Variants in ANAPC1 observed in about 807,000 individuals in gnomAD.
The protein encoded by ANAPC1 is anaphase promoting complex subunit 1, also known as anaphase-promoting complex subunit 1.
Under a neutral mutation model 208.0 loss-of-function variants are expected in ANAPC1, and 36 were observed. The observed-to-expected ratio is 0.17, with a 90% CI of 0.13 to 0.23. The LOEUF (loss-of-function observed/expected upper bound fraction) is 0.23. ANAPC1 is among the 10% of genes least tolerant of loss of function. ANAPC1 has a pLI of 1.00. For missense variants in ANAPC1, 942 were observed against 2,011.6 expected (o/e 0.47, Z 10.17); for synonymous variants, 378 against 695.2 (o/e 0.54, Z 7.18).
chr2:111,854,496 TTCTCC>T (rs1273836137), intron 13 of ANAPC1, among the ~76,000 whole-genome samples: 29 of 152,284 alleles, frequency 1.9e-4, no homozygotes, highest in African/African-American at 6.5e-4. Flanking sequence ...AGGCACTGAC[TTCTCC>T]TCTCAGGTTA....
In ANAPC1 at chr2:111,841,770, AAG is replaced by A. The variant is rs377762685; in HGVS notation, c.2040+1640_2040+1641del. ...GGATTACTGTGGCCACTGGACTGAG[AAG>A]AGACTGGAACATAGACAAAGGACAT... On this transcript the variant is annotated intron_variant, in intron 17 of 47. Coordinates refer to ENST00000341068, the MANE Select transcript of ANAPC1 (RefSeq NM_022662.4). 5.2e-3 allele frequency among the ~76,000 whole-genome samples: 788 copies of A among 152,330 alleles called. 14 individuals are homozygous for A. The highest frequency in any genetic ancestry group is 0.018 in the African/African-American group (745 of 41,564).
chr2:111,846,534 CATATAT>C (rs1158119946), intron 16 of ANAPC1, among the ~76,000 whole-genome samples: 2,717 of 68,286 alleles, frequency 0.04, 110 homozygotes, highest in African/African-American at 0.064. Context: ...TATACATATA[CATATAT>C]ATATATATAT....
chr2:111,813,944 C>G (rs578215125), intron 28 of ANAPC1, among the ~76,000 whole-genome samples: 2 of 152,158 alleles, frequency 1.3e-5, no homozygotes, highest in African/African-American at 4.8e-5. Flanking sequence ...GATTCCAAGA[C>G]AGCCTCCACC....
intron 6 of ANAPC1, among the ~76,000 whole-genome samples, chr2:111,871,548 C>T (rs1682746068): frequency 1.3e-5 from 2 of 152,046 alleles, no homozygotes; most frequent in African/African-American, 2.4e-5. Context: ...GTCGGGAGTT[C>T]GAGACCAGCA....
chr2:111,853,464 A>G (rs1177207681), intron 13 of ANAPC1, among the ~76,000 whole-genome samples: 1 of 151,828 alleles, frequency 6.6e-6, no homozygotes, highest in Non-Finnish European at 1.5e-5. Flanking sequence ...CAAGTTTGGC[A>G]ATTCTGTTCA....
intron 47 of ANAPC1, 82 bp from the exon 48 acceptor site, chr2:111,769,488 C>A (rs1676600983): frequency 4.9e-6 from 3 of 618,398 alleles, no homozygotes; most frequent in Non-Finnish European, 8.9e-6. Context: ...TTCAGAAACA[C>A]AATCATGTTT....
intron 21 of ANAPC1, among the ~76,000 whole-genome samples, chr2:111,829,330 C>A (rs1273623337): frequency 2.0e-5 from 3 of 151,852 alleles, no homozygotes; most frequent in Non-Finnish European, 4.4e-5. Flanking sequence ...TGTTTTGGAG[C>A]CATGGGGGGG....
intron 3 of ANAPC1, among the ~76,000 whole-genome samples, chr2:111,874,660 C>T (rs1053140702): frequency 2.0e-5 from 3 of 152,194 alleles, no homozygotes; most frequent in Non-Finnish European, 4.4e-5. Context: ...ATTTGTTTAT[C>T]CATTCATCTG....
chr2:111,771,955 AT>A (rs1395810238), intron 47 of ANAPC1, among the ~76,000 whole-genome samples: 2 of 150,398 alleles, frequency 1.3e-5, no homozygotes, highest in African/African-American at 4.9e-5. Context: ...AAAATTAGGT[AT>A]TTATTAGTTG....
At chr2:111,873,897 T>C (rs1256156771) in intron 3 of ANAPC1, among the ~76,000 whole-genome samples, 1 of 151,852 alleles carries the variant, frequency 6.6e-6, no homozygotes, top group African/African-American at 2.4e-5. Flanking sequence ...AAAAGATCCA[T>C]AGGAATTAAA....
intron 38 of ANAPC1, among the ~76,000 whole-genome samples, chr2:111,789,215 C>G (rs1043741348): frequency 6.6e-6 from 1 of 151,468 alleles, no homozygotes; most frequent in African/African-American, 2.4e-5. Context: ...CAATATGATA[C>G]ACTTTTAAGA....
chr2:111,808,317 T>C (rs1403771220), intron 29 of ANAPC1, among the ~76,000 whole-genome samples: 1 of 152,180 alleles, frequency 6.6e-6, no homozygotes, highest in East Asian at 1.9e-4. Flanking sequence ...GTAACTAAAT[T>C]GTTGAGCATA....
intron 6 of ANAPC1, among the ~76,000 whole-genome samples, chr2:111,871,748 G>A (rs141380018): frequency 1.5e-3 from 226 of 151,988 alleles, no homozygotes; most frequent in Non-Finnish European, 2.1e-3. Flanking sequence ...GCAAAACCCC[G>A]TCTCAAAAAA....
At chr2:111,870,675 T>C (rs183774148) in intron 6 of ANAPC1, among the ~76,000 whole-genome samples, 1 of 152,248 alleles carries the variant, frequency 6.6e-6, no homozygotes, top group African/African-American at 2.4e-5. Context: ...ACATTTCTTT[T>C]GCTGTGCAGA....
intron 17 of ANAPC1, among the ~76,000 whole-genome samples, chr2:111,839,279 C>T (rs1439331189): frequency 6.6e-6 from 1 of 152,228 alleles, no homozygotes; most frequent in Non-Finnish European, 1.5e-5. Context: ...GCAAGACAGA[C>T]ATTTTTATTG....
intron 21 of ANAPC1, among the ~76,000 whole-genome samples, chr2:111,827,218 T>C (rs1428342790): frequency 6.6e-6 from 1 of 152,200 alleles, no homozygotes; most frequent in African/African-American, 2.4e-5. Context: ...TAGTGTTATT[T>C]GCTTTGAAGA....
intron 1 of ANAPC1, 52 bp from the exon 2 acceptor site, chr2:111,880,901 A>G: frequency 7.0e-7 from 1 of 1,430,070 alleles, no homozygotes; most frequent in East Asian, 2.3e-5. Flanking sequence ...AAACTAGAAT[A>G]AAAATACCAT....
At chr2:111,777,932 T>G (rs1258451795) in intron 45 of ANAPC1, among the ~76,000 whole-genome samples, 1 of 152,398 alleles carries the variant, frequency 6.6e-6, no homozygotes, top group East Asian at 1.9e-4. Context: ...AACTAGATTC[T>G]GGATCTCACC....
chr2:111,795,218 T>C (rs1249363873), intron 34 of ANAPC1, among the ~76,000 whole-genome samples: 3 of 152,100 alleles, frequency 2.0e-5, no homozygotes, highest in Non-Finnish European at 4.4e-5. Context: ...CCCATCTCTA[T>C]TAAAAATACA....
Sources: allele counts gnomAD v4.1 joint callset (sites outside exome capture counted in the v4.1 genomes callset), GRCh38; gene constraint gnomAD v4.1.1; transcripts MANE v1.5; gene names NCBI Gene and HGNC (gene_info 2026-07-23, HGNC 2026-07-21).